UNC79: variants seen among roughly 807,000 people sequenced by gnomAD.
UNC79 encodes the protein protein unc-79 homolog.
Under a neutral mutation model 283.1 loss-of-function variants are expected in UNC79, and 37 were observed. That is an observed-to-expected ratio of 0.13 (90% CI 0.10 to 0.17). The LOEUF is 0.17. UNC79 is among the 10% of genes least tolerant of loss of function. The pLI is 1.00. For missense variants in UNC79, 2,272 were observed against 3,211.1 expected (o/e 0.71, Z 7.07); for synonymous variants, 1,107 against 1,200.2 (o/e 0.92, Z 1.61).
At chr14:93,336,589 C>A (rs1425139860) in intron 1 of UNC79, among the ~76,000 whole-genome samples, 1 of 152,174 alleles carries the variant, frequency 6.6e-6, no homozygotes, top group Non-Finnish European at 1.5e-5. Context: ...GATCCGCCCA[C>A]CTTGGCCTCC....
intron 14 of UNC79, among the ~76,000 whole-genome samples, chr14:93,548,601 A>C (rs543063797): frequency 1.3e-5 from 2 of 152,350 alleles, no homozygotes; most frequent in South Asian, 4.1e-4. Flanking sequence ...ACCTCACAGT[A>C]AATCTACTCA....
intron 7 of UNC79, among the ~76,000 whole-genome samples, chr14:93,518,851 TTG>T (rs1357050367): frequency 6.6e-6 from 1 of 151,936 alleles, no homozygotes; most frequent in Non-Finnish European, 1.5e-5. Flanking sequence ...TCAGATACTT[TTG>T]TGTTATTGGT....
chr14:93,539,193 G>A lies in UNC79; in HGVS notation c.1352+975G>A, dbSNP rs565785934. Among the ~76,000 whole-genome samples the A allele has an allele frequency of 3.5e-5, 5 of 144,530 alleles. No individual in the cohort carries two copies. In the East Asian group the frequency reaches 8.4e-4, roughly 24 times the overall value. 94.8% of individuals were successfully genotyped at this position (144,530 alleles called of 152,430 possible). ...GCTGGGATTACAGGCGTGAGCCACCGTGCCTGGCTCCAGGCAAGATTTTTT... is the reference window on the plus strand; with the variant it reads ...GCTGGGATTACAGGCGTGAGCCACCATGCCTGGCTCCAGGCAAGATTTTTT... On this transcript the variant is annotated intron_variant, in intron 12 of 48. Transcript: ENST00000555664.
intron 38 of UNC79, among the ~76,000 whole-genome samples, chr14:93,657,894 G>C (rs1366389696): frequency 1.3e-5 from 2 of 152,206 alleles, no homozygotes; most frequent in African/African-American, 4.8e-5. Flanking sequence ...ACTCACGCCT[G>C]CCAATTGTTG....
At position 93,446,471 on chromosome 14, in the gene UNC79, C is replaced by T. The variant is rs2056463967; in HGVS notation, c.22+15420C>T. 1.3e-5 allele frequency among the ~76,000 whole-genome samples: 2 copies of T among 150,886 alleles called. 1 individual carries two copies. Among genetic ancestry groups the T allele is most frequent in the South Asian group, 4.2e-4 (2 of 4,724 alleles). On this transcript the variant is annotated intron_variant, in intron 1 of 48. Coordinates refer to ENST00000555664, the Ensembl canonical transcript of UNC79. ...AGTGCAGTGGCACGATCTTAGCTCA[C>T]TGCAAACTCCACCTCCCAGGTTTAA...
chr14:93,530,107 T>C (rs1304382245), intron 10 of UNC79, among the ~76,000 whole-genome samples: 2 of 151,986 alleles, frequency 1.3e-5, no homozygotes, highest in Non-Finnish European at 2.9e-5. Flanking sequence ...ATAAATGGAT[T>C]CCCATCCTAG....
chr14:93,706,631 G>A (rs1387276607), intron 48 of UNC79, 73 bp from the exon 52 acceptor site: 2 of 1,572,472 alleles, frequency 1.3e-6, no homozygotes, highest in Middle Eastern at 1.7e-4. Context: ...CCTGCAAGAA[G>A]CCGCCCGGGT....
Position 93,430,528 on chromosome 14 carries a change from G to GGCTCCGGGGGCT in UNC79, c.-493_-482dup, listed in dbSNP as rs1245424001. On this transcript the variant is annotated 5_prime_UTR_variant, in exon 1 of 49. Coordinates refer to ENST00000555664, the Ensembl canonical transcript of UNC79. The surrounding 1 kb of genome is among the most constrained non-coding windows in gnomAD (Gnocchi z 4.6). Reference sequence around the variant, plus strand: ...GGTCCCTCTCTGGTCACCCTGCTGAGGCTCCGGGGGCTGCTCCGGGAGCAG... The same window carrying GGCTCCGGGGGCT: ...GGTCCCTCTCTGGTCACCCTGCTGAGGCTCCGGGGGCTGCTCCGGGGGCTGCTCCGGGAGCAG... 4 of 153,094 alleles carry GGCTCCGGGGGCT rather than the reference G, an allele frequency of 2.6e-5. No individual in the cohort carries two copies. Among genetic ancestry groups the GGCTCCGGGGGCT allele is most frequent in the Non-Finnish European group, 5.8e-5 (4 of 68,658 alleles). The allele number at this position is 153,094 out of a possible 1,614,324, so 9.5% of individuals were successfully genotyped here. A position where few individuals can be genotyped will look rare whatever the true frequency, so the allele number is the denominator to read the frequency against.
intron 14 of UNC79, among the ~76,000 whole-genome samples, chr14:93,555,185 A>G (rs1028279192): frequency 2.0e-5 from 3 of 152,238 alleles, no homozygotes; most frequent in Admixed American, 1.3e-4. Context: ...TATTTACCAA[A>G]GATTACTAAA....
chr14:93,480,727 G>C (rs943774267), intron 4 of UNC79, among the ~76,000 whole-genome samples: 1 of 152,132 alleles, frequency 6.6e-6, no homozygotes, highest in East Asian at 1.9e-4. Context: ...ATGTGTGTCC[G>C]TGTGTCGTAT....
At chr14:93,612,843 A>G (rs761591855) in exon 27 of UNC79, 3 of 1,614,146 alleles carry the variant, frequency 1.9e-6, no homozygotes, top group Non-Finnish European at 2.5e-6. Context: ...ACCTGCTCCC[A>G]GAAGACGCTG....
At chr14:93,560,385 C>T (rs2062470328) in intron 14 of UNC79, among the ~76,000 whole-genome samples, 1 of 152,092 alleles carries the variant, frequency 6.6e-6, no homozygotes, top group Non-Finnish European at 1.5e-5. Context: ...GTCAAGGCCT[C>T]GGCAGTTTTG....
chr14:93,339,241 A>G lies in UNC79; in HGVS notation c.-351+5718A>G, dbSNP rs374649301. ...GTGTAACCCTTTACTATCAGCCCTC[A>G]CCAGATGACTCAAAGACTTTAGCAG... On this transcript the variant is annotated intron_variant, in intron 1 of 49. Transcript: ENST00000256339. 6.6e-5 allele frequency among the ~76,000 whole-genome samples: 10 copies of G among 152,242 alleles called. No individual in the cohort carries two copies. The East Asian group carries it at 1.5e-3, about 24-fold the overall frequency.
chr14:93,419,171 T>G, intron 1 of UNC79, among the ~76,000 whole-genome samples: 1 of 133,838 alleles, frequency 7.5e-6, no homozygotes, highest in East Asian at 2.1e-4. Flanking sequence ...GCTCCACACC[T>G]TTTTTTTTTT....
intron 7 of UNC79, among the ~76,000 whole-genome samples, chr14:93,505,040 T>A (rs1353143400): frequency 6.6e-6 from 1 of 152,080 alleles, no homozygotes; most frequent in Non-Finnish European, 1.5e-5. Flanking sequence ...TTTAACACTT[T>A]CTTTAGGGTT....
chr14:93,515,262 A>ATGTG (rs1461097021), intron 7 of UNC79, among the ~76,000 whole-genome samples: 3 of 46,368 alleles, frequency 6.5e-5, no homozygotes, highest in African/African-American at 2.3e-4. Flanking sequence ...GTCCATATGT[A>ATGTG]TATGTGTGTG....
intron 40 of UNC79, among the ~76,000 whole-genome samples, chr14:93,666,176 G>A (rs1395976036): frequency 6.6e-6 from 1 of 151,932 alleles, no homozygotes; most frequent in African/African-American, 2.4e-5. Context: ...AATACAGGTA[G>A]ACATTGTAAA....
chr14:93,524,426 T>C (rs2060457040), intron 8 of UNC79, among the ~76,000 whole-genome samples: 1 of 152,216 alleles, frequency 6.6e-6, no homozygotes, highest in Non-Finnish European at 1.5e-5. Flanking sequence ...TCAGGAGTGG[T>C]AGGACAAAAA....
At chr14:93,337,628 G>C (rs1210548459) in intron 1 of UNC79, among the ~76,000 whole-genome samples, 1 of 152,200 alleles carries the variant, frequency 6.6e-6, no homozygotes, top group East Asian at 1.9e-4. Context: ...CTGCAGCCTG[G>C]AGTGGGGTGG....
Sources: allele counts gnomAD v4.1 joint callset (sites outside exome capture counted in the v4.1 genomes callset), GRCh38; gene constraint gnomAD v4.1.1; non-coding constraint Gnocchi (gnomAD v3.1); transcripts MANE v1.5; gene names NCBI Gene and HGNC (gene_info 2026-07-23, HGNC 2026-07-21).